AP4S1: variants seen among roughly 807,000 people sequenced by gnomAD.
AP4S1 encodes the protein AP-4 complex subunit sigma-1.
A neutral mutation model predicts 19.8 loss-of-function variants in AP4S1; 23 were observed. That is an observed-to-expected ratio of 1.16 (90% confidence interval 0.84 to 1.65). The LOEUF (loss-of-function observed/expected upper bound fraction) is 1.65. Among genes scored for constraint, AP4S1 ranks in the 40% most tolerant of loss-of-function variants. AP4S1 has a pLI of 0.00. For synonymous variants in AP4S1, 46 were observed against 54.1 expected, an observed-to-expected ratio of 0.85 and a Z score of 0.66; for missense variants, 166 against 172.8, an observed-to-expected ratio of 0.96 and a Z score of 0.22.
chr14:31,046,613 A>C (rs1818348318), intron 1 of AP4S1, among the ~76,000 whole-genome samples: 1 of 152,198 alleles, frequency 6.6e-6, no homozygotes, highest in Admixed American at 6.5e-5. Flanking sequence ...TGGGAGGCCA[A>C]GGCAGGCGGA....
chr14:31,033,096 T>C (rs1467029556), intron 1 of AP4S1: 1 of 152,272 alleles, frequency 6.6e-6, no homozygotes, highest in Non-Finnish European at 1.5e-5. Flanking sequence ...CAGTTCTGCC[T>C]GCTGTCATCC....
chr14:31,078,648 T>C (rs1361880017), intron 4 of AP4S1, among the ~76,000 whole-genome samples: 1 of 152,172 alleles, frequency 6.6e-6, no homozygotes, highest in Non-Finnish European at 1.5e-5. Context: ...GTTTTAAAAA[T>C]TATTATTATT....
chr14:31,038,030 A>C (rs1174822431), intron 1 of AP4S1, among the ~76,000 whole-genome samples: 7 of 152,240 alleles, frequency 4.6e-5, no homozygotes. Flanking sequence ...TCAAAATAAC[A>C]TAAAGTGCTT....
intron 4 of AP4S1, among the ~76,000 whole-genome samples, chr14:31,077,742 T>TC (rs1392401475): frequency 2.0e-5 from 3 of 149,310 alleles, no homozygotes; most frequent in African/African-American, 7.4e-5. Flanking sequence ...CTTTTTTCTT[T>TC]TTTTTTTTTT....
At chr14:31,074,324 C>CAAATAAATAAAT (rs138770796) in intron 4 of AP4S1, among the ~76,000 whole-genome samples, 19 of 139,146 alleles carry the variant, frequency 1.4e-4, no homozygotes, top group African/African-American at 3.5e-4. Flanking sequence ...GACTCCGTCT[C>CAAATAAATAAAT]AAATAAATAA....
At position 31,092,889 on chromosome 14, in the gene AP4S1, TCCTTA is replaced by T. The variant is rs1356608530; in HGVS notation, c.307-17_307-13del. On this transcript the variant is annotated splice_polypyrimidine_tract_variant and intron_variant, in intron 5 of 5. Transcript: ENST00000542754. The stretch of plus-strand genomic sequence containing the variant: ...AATAATTTTTAACTTTAAACTAATT[TCCTTA>T]ATATAACCGTAGATAATGTTTAATT... The T allele has an allele frequency of 6.7e-7, 1 of 1,481,910 alleles. No individual in the cohort carries two copies. Among genetic ancestry groups the T allele is most frequent in the Non-Finnish European group, 9.0e-7 (1 of 1,106,728 alleles). 91.8% of individuals were successfully genotyped at this position (1,481,910 alleles called of 1,614,324 possible). A position where few individuals can be genotyped will look rare whatever the true frequency, so the allele number is the denominator to read the frequency against.
chr14:31,062,525 C>G (rs1008664923), intron 1 of AP4S1, among the ~76,000 whole-genome samples: 2 of 152,202 alleles, frequency 1.3e-5, no homozygotes, highest in Non-Finnish European at 2.9e-5. Flanking sequence ...AAGTACATAC[C>G]TCCTTGCACA....
At chr14:31,080,846 A>G (rs1006317918) in intron 5 of AP4S1, among the ~76,000 whole-genome samples, 7 of 151,950 alleles carry the variant, frequency 4.6e-5, no homozygotes, top group Non-Finnish European at 1.0e-4. Flanking sequence ...CAATGGTGTA[A>G]TCTCTGCTCA....
rs1594607483 is a variant in AP4S1 at position 31,025,742 on chromosome 14, T to G, written c.-117T>G. ...TTATGCGGGAAAGAGGGAGGGGGAC[T>G]CCAGGAAAAGCCGTTGAGAGGACCA... On this transcript the variant is annotated 5_prime_UTR_variant, in exon 1 of 6. Coordinates refer to ENST00000542754, the MANE Select transcript of AP4S1 (RefSeq NM_001128126.3). 16 of 972,486 alleles carry G rather than the reference T, an allele frequency of 1.6e-5. No individual in the cohort carries two copies. The East Asian group carries it at 4.4e-4, about 27-fold the overall frequency. The allele number at this position is 972,486 out of a possible 1,614,324, so 60.2% of individuals were successfully genotyped here.
At chr14:31,082,825 G>A (rs920449550) in intron 5 of AP4S1, among the ~76,000 whole-genome samples, 12 of 152,070 alleles carry the variant, frequency 7.9e-5, no homozygotes, top group East Asian at 5.8e-4. Flanking sequence ...GAACCCGGGA[G>A]GCGGAGCTTG....
At position 31,069,853 on chromosome 14, in the gene AP4S1, T is replaced by C. The variant is rs1407285970; in HGVS notation, c.149T>C (p.Ile50Thr). 2.5e-6 allele frequency: 4 copies of C among 1,612,318 alleles called. No individual in the cohort carries two copies. Among genetic ancestry groups the C allele is most frequent in the East Asian group, 4.5e-5 (2 of 44,864 alleles). Reference protein sequence around the residue: ...LSRSNEQCSFIEYKDFKLIYR... With the variant: ...LSRSNEQCSFTEYKDFKLIYR... Reference sequence around the variant, plus strand: ...TTGTGTTTTGTCTAGTGCTCTTTCATTGAATATAAGGATTTTAAGCTGATA... The same window carrying C: ...TTGTGTTTTGTCTAGTGCTCTTTCACTGAATATAAGGATTTTAAGCTGATA... Residue 50 changes from isoleucine to threonine, a missense_variant, in exon 3 of 6, where the codon ATT becomes ACT. Transcript: ENST00000542754.
chr14:31,058,576 T>TGTGTGTGTGTGTGTGTG (rs1594668615), intron 1 of AP4S1, among the ~76,000 whole-genome samples: 2 of 148,302 alleles, frequency 1.3e-5, no homozygotes, highest in Admixed American at 6.8e-5. Flanking sequence ...TGTGTGTGTG[T>TGTGTGTGTGTGTGTGTG]TTAGAGATAG....
At chr14:31,030,267 T>C (rs1052312327) in intron 1 of AP4S1, among the ~76,000 whole-genome samples, 1 of 152,194 alleles carries the variant, frequency 6.6e-6, no homozygotes, top group African/African-American at 2.4e-5. Flanking sequence ...CCTTATCTAA[T>C]AGTTTTTACA....
chr14:31,047,381 C>G (rs755379362), intron 1 of AP4S1, among the ~76,000 whole-genome samples: 1 of 147,674 alleles, frequency 6.8e-6, no homozygotes, highest in Non-Finnish European at 1.5e-5. Flanking sequence ...TTTTGAGACA[C>G]AATCTTTTTT....
At chr14:31,054,415 GACTC>G (rs760882276) in intron 1 of AP4S1, among the ~76,000 whole-genome samples, 1 of 152,048 alleles carries the variant, frequency 6.6e-6, no homozygotes, top group Non-Finnish European at 1.5e-5. Context: ...TGGGCCCAGT[GACTC>G]ACGCCTGTAA....
chr14:31,081,787 C>T (rs1412087480), intron 5 of AP4S1, among the ~76,000 whole-genome samples: 1 of 151,606 alleles, frequency 6.6e-6, no homozygotes, highest in Admixed American at 6.6e-5. Flanking sequence ...CATTTTTCCA[C>T]ATTTTGCCAG....
chr14:31,066,766 G>A (rs1362677566), intron 2 of AP4S1, among the ~76,000 whole-genome samples: 1 of 152,042 alleles, frequency 6.6e-6, no homozygotes, highest in Non-Finnish European at 1.5e-5. Flanking sequence ...TTGTGCCAGA[G>A]GATAATAATA....
intron 1 of AP4S1, among the ~76,000 whole-genome samples, chr14:31,030,909 A>G (rs1055714499): frequency 2.6e-5 from 4 of 152,170 alleles, no homozygotes; most frequent in African/African-American, 7.2e-5. Flanking sequence ...GTTCATTTTA[A>G]TCATGGTTTT....
chr14:31,030,886 G>A (rs1043633922), intron 1 of AP4S1, among the ~76,000 whole-genome samples: 2 of 152,084 alleles, frequency 1.3e-5, no homozygotes, highest in Non-Finnish European at 2.9e-5. Flanking sequence ...GAATTCCAAC[G>A]GAATGTGACT....
Sources: gnomAD v4.1 joint callset for allele counts (sites outside exome capture counted in the v4.1 genomes callset) on GRCh38, gnomAD v4.1.1 for gene constraint, MANE v1.5 for transcripts, NCBI Gene and HGNC (gene_info 2026-07-23, HGNC 2026-07-21) for gene names.